The following GRIK4 variants were observed in gnomAD, a reference collection of about 807,000 sequenced individuals.
The protein encoded by GRIK4 is glutamate ionotropic receptor kainate type subunit 4, also known as glutamate receptor ionotropic, kainate 4.
Under a neutral mutation model 104.9 loss-of-function variants are expected in GRIK4, and 40 were observed. That is an observed-to-expected ratio of 0.38 (90% CI 0.30 to 0.50). The LOEUF (loss-of-function observed/expected upper bound fraction) is 0.50, where lower values mean the gene tolerates loss of function less well. GRIK4 is among the 20% of genes least tolerant of loss of function. The pLI, the probability that GRIK4 is intolerant of heterozygous loss-of-function variation, is 0.93. For synonymous variants in GRIK4, 485 were observed against 524.9 expected (o/e 0.92, Z 1.04); for missense variants, 1,047 against 1,308.1 (o/e 0.80, Z 3.08).
intron 3 of GRIK4, among the ~76,000 whole-genome samples, chr11:120,763,861 C>T (rs1404406724): frequency 1.3e-5 from 2 of 152,086 alleles, no homozygotes; most frequent in Non-Finnish European, 2.9e-5. Context: ...GTTTTACTTC[C>T]AATTATGTGG....
chr11:120,836,986 C>T (rs534387178), intron 8 of GRIK4, 142 bp downstream of exon 8: 26 of 598,482 alleles, frequency 4.3e-5, no homozygotes, highest in Admixed American at 2.6e-4. Context: ...AGAGGCAGGG[C>T]GTCCTGGAAA....
chr11:120,567,936 T>C (rs1258962213), intron 1 of GRIK4, among the ~76,000 whole-genome samples: 1 of 152,154 alleles, frequency 6.6e-6, no homozygotes, highest in African/African-American at 2.4e-5. Context: ...TCCCAACACT[T>C]TGGGAGGCCG....
At chr11:120,895,544 C>T (rs1011829984) in intron 11 of GRIK4, among the ~76,000 whole-genome samples, 2 of 151,856 alleles carry the variant, frequency 1.3e-5, no homozygotes, top group African/African-American at 2.4e-5. Flanking sequence ...ATGGAATGGC[C>T]CTAGAAGCCA....
At chr11:120,908,856 G>T (rs1292616276) in intron 13 of GRIK4, among the ~76,000 whole-genome samples, 1 of 152,226 alleles carries the variant, frequency 6.6e-6, no homozygotes. Context: ...CTTCAAAGAA[G>T]TTGGTTCCCA....
intron 3 of GRIK4, among the ~76,000 whole-genome samples, chr11:120,792,450 A>G (rs1418444372): frequency 3.9e-5 from 6 of 152,006 alleles, no homozygotes; most frequent in African/African-American, 7.3e-5. Flanking sequence ...TCTGGCAGCT[A>G]GGAGAGGGTG....
intron 14 of GRIK4, among the ~76,000 whole-genome samples, chr11:120,951,993 G>T (rs1385780929): frequency 6.6e-6 from 1 of 152,192 alleles, no homozygotes; most frequent in African/African-American, 2.4e-5. Context: ...GCCAGAAAGG[G>T]GTGGGAACTT....
chr11:120,840,586 GA>G (rs1953687795), intron 8 of GRIK4, among the ~76,000 whole-genome samples: 1 of 152,198 alleles, frequency 6.6e-6, no homozygotes, highest in Admixed American at 6.5e-5. Context: ...GAGCAACTAT[GA>G]GGAAGTAAGT....
rs1947839769 is a variant in GRIK4, at chr11:120,524,921, A to G, written c.-159+13034A>G. The stretch of plus-strand genomic sequence containing the variant: ...AGAGGTCCCTGCGGTCTGCAGGGTG[A>G]GCTGAGGTCCTAGTCCACCTTCCGT... On this transcript the variant is annotated intron_variant, in intron 1 of 20. Coordinates refer to ENST00000527524, the MANE Select transcript of GRIK4 (RefSeq NM_014619.5). This position sits in a 1 kb window ranked among gnomAD's most constrained non-coding sequence, Gnocchi z 4.5. Among the ~76,000 whole-genome samples the G allele has an allele frequency of 6.6e-6, 1 of 152,140 alleles. No individual in the cohort carries two copies. The highest frequency in any genetic ancestry group is 6.5e-5 in the Admixed American group (1 of 15,278).
chr11:120,799,036 C>T (rs533296734), intron 3 of GRIK4, among the ~76,000 whole-genome samples: 27 of 152,246 alleles, frequency 1.8e-4, no homozygotes, highest in Non-Finnish European at 3.2e-4. Context: ...GTGGTGCAGG[C>T]GTAATTGTGG....
chr11:120,811,081 T>C (rs1048420687), intron 4 of GRIK4, among the ~76,000 whole-genome samples: 2 of 152,088 alleles, frequency 1.3e-5, no homozygotes, highest in Admixed American at 6.5e-5. Context: ...GGGAACAGGA[T>C]CAGGCAGGAA....
rs1372863572 is a variant in GRIK4, at chr11:120,744,754, T to C, written c.83-57939T>C. Among the ~76,000 whole-genome samples, 4 of 152,208 alleles carry C rather than the reference T, an allele frequency of 2.6e-5. No homozygotes were observed. In the East Asian group the frequency reaches 7.7e-4, roughly 29 times the overall value. On this transcript the variant is annotated intron_variant, in intron 3 of 20. Transcript: ENST00000527524. ...AAAGCAACAGTTCTATGTAGAATAT[T>C]AATGGAATCCATTTTCTTGCCATCT...
intron 3 of GRIK4, among the ~76,000 whole-genome samples, chr11:120,776,988 G>A (rs531656940): frequency 1.1e-4 from 17 of 152,274 alleles, no homozygotes; most frequent in Admixed American, 2.0e-4. Flanking sequence ...AGCTACGAGG[G>A]GGGTGTGAGT....
intron 1 of GRIK4, among the ~76,000 whole-genome samples, chr11:120,539,746 T>C (rs551137111): frequency 1.8e-4 from 28 of 152,064 alleles, no homozygotes; most frequent in Admixed American, 7.9e-4. Flanking sequence ...AACGCCTCCA[T>C]TGGGGGCTGG....
intron 2 of GRIK4, among the ~76,000 whole-genome samples, chr11:120,657,544 C>T (rs183224629): frequency 6.6e-6 from 1 of 152,308 alleles, no homozygotes; most frequent in Admixed American, 6.5e-5. Flanking sequence ...GGGGATGCAA[C>T]AGGAACCTGG....
intron 3 of GRIK4, among the ~76,000 whole-genome samples, chr11:120,739,362 GCT>G (rs1182176543): frequency 1.3e-5 from 2 of 152,152 alleles, no homozygotes; most frequent in Non-Finnish European, 2.9e-5. Flanking sequence ...TTTCCCATGG[GCT>G]CTGCCTGCTT....
chr11:120,722,540 G>A (rs925718074), intron 3 of GRIK4, among the ~76,000 whole-genome samples: 2 of 152,068 alleles, frequency 1.3e-5, no homozygotes, highest in Admixed American at 6.5e-5. Context: ...CCCAGGAAGC[G>A]GAGGTTGCAG....
At chr11:120,965,134 A>G (rs958764680) in intron 18 of GRIK4, among the ~76,000 whole-genome samples, 17 of 152,232 alleles carry the variant, frequency 1.1e-4, no homozygotes, top group African/African-American at 3.4e-4. Context: ...GGAATAAGCA[A>G]TGTGGTTAGA....
intron 1 of GRIK4, among the ~76,000 whole-genome samples, chr11:120,578,924 A>C (rs111720535): frequency 0.03 from 4,565 of 152,254 alleles, 104 homozygotes; most frequent in Middle Eastern, 0.044. Context: ...GCTGCTAACC[A>C]GCTGTCAGAA....
intron 1 of GRIK4, among the ~76,000 whole-genome samples, chr11:120,631,491 G>C (rs1591754687): frequency 1.3e-5 from 2 of 152,108 alleles, no homozygotes; most frequent in East Asian, 3.9e-4. Context: ...GAGTCGATGG[G>C]AGCCTCTTAA....
Sources: gnomAD v4.1 joint callset for allele counts (sites outside exome capture counted in the v4.1 genomes callset) on GRCh38, gnomAD v4.1.1 for gene constraint, Gnocchi (gnomAD v3.1) non-coding constraint, MANE v1.5 for transcripts, NCBI Gene and HGNC (gene_info 2026-07-23, HGNC 2026-07-21) for gene names.